The following ACTR10 variants were observed in gnomAD, a reference collection of about 807,000 sequenced individuals.
ACTR10 encodes the protein actin related protein 10.
In ACTR10, 43 loss-of-function variants were observed where a neutral mutation model predicts 56.2. The observed-to-expected ratio is 0.77, with a 90% CI of 0.60 to 0.99. The LOEUF is 0.99. Among genes scored for constraint, ACTR10 ranks in the 50% least tolerant of loss-of-function variants. ACTR10 has a pLI of 0.00. For missense variants in ACTR10, 466 were observed against 507.8 expected (o/e 0.92, Z 0.79); for synonymous variants, 170 against 176.3 (o/e 0.96, Z 0.28).
intron 2 of ACTR10, among the ~76,000 whole-genome samples, chr14:58,203,297 C>T (rs1202282289): frequency 4.3e-5 from 4 of 92,034 alleles, no homozygotes; most frequent in South Asian, 8.0e-4. Flanking sequence ...AGCAAGACTT[C>T]GTCTCAAAAA....
rs1487087109 is a variant in ACTR10 at position 58,232,326 on chromosome 14, T to C, written c.1072+59T>C. ...ATAGTATTTGGTCTCTGAATGACAC[T>C]ATTAATGGATATATTAGAATAAATA... On this transcript the variant is annotated intron_variant, in intron 12 of 12. Coordinates refer to ENST00000254286, the MANE Select transcript of ACTR10 (RefSeq NM_018477.3). 4.1e-6 allele frequency: 5 copies of C among 1,228,970 alleles called. No individual in the cohort carries two copies. In the East Asian group the frequency reaches 1.3e-4, roughly 31 times the overall value. 76.1% of individuals were successfully genotyped at this position (1,228,970 alleles called of 1,614,324 possible).
At chr14:58,223,949 A>C (rs1889341640) in intron 10 of ACTR10, 93 bp downstream of exon 10, 11 of 947,714 alleles carry the variant, frequency 1.2e-5, no homozygotes, top group Middle Eastern at 2.9e-4. Context: ...CACTATTGCC[A>C]TTTTAACAGT....
At chr14:58,214,367 A>ATAGTAACCATGGCGAGGGGATT (rs1889078525) in intron 6 of ACTR10, among the ~76,000 whole-genome samples, 1 of 151,940 alleles carries the variant, frequency 6.6e-6, no homozygotes, top group African/African-American at 2.4e-5. Flanking sequence ...TTATAGCTGA[A>ATAGTAACCATGGCGAGGGGATT]TAGTATTCCA....
At chr14:58,203,077 G>C in intron 2 of ACTR10, 150 bp downstream of exon 2, 1 of 503,936 alleles carries the variant, frequency 2.0e-6, no homozygotes, top group South Asian at 2.8e-5. Flanking sequence ...TGAGGCGGGT[G>C]GATCACCTGA....
At chr14:58,226,577 G>GT (rs1889406245) in intron 10 of ACTR10, among the ~76,000 whole-genome samples, 1 of 151,636 alleles carries the variant, frequency 6.6e-6, no homozygotes. Context: ...TTTGTGTTTT[G>GT]TTTTTTTGTG....
intron 8 of ACTR10, among the ~76,000 whole-genome samples, chr14:58,221,410 G>A (rs1167421781): frequency 2.0e-5 from 3 of 151,808 alleles, no homozygotes; most frequent in Admixed American, 6.6e-5. Context: ...CCTGGACAAC[G>A]TGATGAACCC....
intron 10 of ACTR10, among the ~76,000 whole-genome samples, chr14:58,225,077 C>T (rs1889366907): frequency 6.6e-6 from 1 of 151,968 alleles, no homozygotes; most frequent in Admixed American, 6.6e-5. Flanking sequence ...ACAAAATTAG[C>T]CATAGATAAT....
intron 4 of ACTR10, among the ~76,000 whole-genome samples, chr14:58,209,977 T>C (rs1888954506): frequency 6.6e-6 from 1 of 152,210 alleles, no homozygotes; most frequent in African/African-American, 2.4e-5. Context: ...GGGAATCAGG[T>C]TGCATAGCCT....
In ACTR10 at chr14:58,235,374, A is replaced by G. The variant is rs1889654053; in HGVS notation, c.*823A>G. 6.6e-6 allele frequency: 1 copy of G among 152,170 alleles called. No homozygotes were observed. The highest frequency in any genetic ancestry group is 1.5e-5 in the Non-Finnish European group (1 of 68,036). 9.4% of individuals were successfully genotyped at this position (152,170 alleles called of 1,614,324 possible). A position where few individuals can be genotyped will look rare whatever the true frequency, so the allele number is the denominator to read the frequency against. ...CTGAGAATGTTTGGTAACATAGTCAAGCATTTGTTAAGCCAAGTGTGGAAA... is the reference window on the plus strand; with the variant it reads ...CTGAGAATGTTTGGTAACATAGTCAGGCATTTGTTAAGCCAAGTGTGGAAA... On this transcript the variant is annotated 3_prime_UTR_variant, in exon 13 of 13. Transcript: ENST00000254286.
At position 58,207,939 on chromosome 14, in the gene ACTR10, G is replaced by T; in HGVS notation, c.154G>T (p.Val52Phe). The change falls in exon 3 of 13, where the codon GTC becomes TTC. Residue 52 changes from valine (V) to phenylalanine (F), a missense_variant. By Grantham distance (50) the Val-to-Phe change is conservative (BLOSUM62 -1). Transcript: ENST00000254286. ...VIKRAGMPKP[V>F]RVVQYNINTE... ...AAATCATTTTAATTTTTTACAGCCT[G>T]TCAGAGTTGTTCAGTATAATATCAA... 1 of 1,452,144 alleles carries T rather than the reference G, an allele frequency of 6.9e-7. No individual in the cohort carries two copies. Among genetic ancestry groups the T allele is most frequent in the East Asian group, 2.7e-5 (1 of 37,242 alleles). 90.0% of individuals were successfully genotyped at this position (1,452,144 alleles called of 1,614,324 possible). A position where few individuals can be genotyped will look rare whatever the true frequency, so the allele number is the denominator to read the frequency against.
At chr14:58,221,849 C>T (rs923411642) in intron 8 of ACTR10, among the ~76,000 whole-genome samples, 6 of 151,964 alleles carry the variant, frequency 3.9e-5, no homozygotes, top group African/African-American at 1.2e-4. Context: ...ACCCCAGAGG[C>T]GGAGGTTGCA....
rs753215827 is a variant in ACTR10, at chr14:58,208,980, CA to C, written c.234-15del. ...GAATAAAAACTTTTACTTTTAAAAC[CA>C]AAACTTTCACTTTTCAGGCATCTAT... On this transcript the variant is annotated intron_variant, in intron 3 of 12. Coordinates refer to ENST00000254286, the MANE Select transcript of ACTR10 (RefSeq NM_018477.3). 4.5e-6 allele frequency: 7 copies of C among 1,567,294 alleles called. No homozygotes were observed. Among genetic ancestry groups the C allele is most frequent in the Admixed American group, 1.8e-5 (1 of 54,376 alleles).
chr14:58,228,681 CTTTTTTTTTTTTTTTTTT>C (rs35498207), intron 10 of ACTR10, among the ~76,000 whole-genome samples: 9,596 of 40,798 alleles, frequency 0.24, 848 homozygotes, highest in African/African-American at 0.35. Context: ...GCAAGACAGA[CTTTTTTTTTTTTTTTTTT>C]TTTTTTTTTT....
intron 1 of ACTR10, among the ~76,000 whole-genome samples, chr14:58,201,809 C>T (rs1327660516): frequency 6.6e-6 from 1 of 151,378 alleles, no homozygotes; most frequent in African/African-American, 2.4e-5. Flanking sequence ...AGTTCAAGAC[C>T]AGCCTGGGCA....
intron 8 of ACTR10, among the ~76,000 whole-genome samples, chr14:58,221,572 C>T (rs1206104607): frequency 1.3e-5 from 2 of 152,030 alleles, no homozygotes; most frequent in African/African-American, 2.4e-5. Context: ...TGCACTCTAG[C>T]TTGGGTGACA....
intron 1 of ACTR10, among the ~76,000 whole-genome samples, chr14:58,200,526 C>G (rs143407878): frequency 6.6e-6 from 1 of 152,208 alleles, no homozygotes; most frequent in Non-Finnish European, 1.5e-5. Context: ...TTGAATTGCC[C>G]TCGTCGCCGC....
chr14:58,214,677 G>A (rs570446105), intron 6 of ACTR10, among the ~76,000 whole-genome samples: 27 of 151,522 alleles, frequency 1.8e-4, no homozygotes, highest in Middle Eastern at 3.4e-3. Context: ...TTTTAGTAGA[G>A]ATAGAGTTTT....
chr14:58,219,503 G>T (rs997236007), intron 7 of ACTR10, 191 bp from the exon 8 acceptor site: 8 of 414,606 alleles, frequency 1.9e-5, no homozygotes, highest in Non-Finnish European at 3.5e-5. Context: ...TCCATGGTTT[G>T]TCTTGGCTTT....
chr14:58,204,545 T>C (rs1285501141), intron 2 of ACTR10, among the ~76,000 whole-genome samples: 1 of 152,184 alleles, frequency 6.6e-6, no homozygotes, highest in Non-Finnish European at 1.5e-5. Context: ...AGTGAGACCC[T>C]GTCTCAAAAA....
Sources: allele counts gnomAD v4.1 joint callset (sites outside exome capture counted in the v4.1 genomes callset), GRCh38; gene constraint gnomAD v4.1.1; transcripts MANE v1.5; gene names NCBI Gene and HGNC (gene_info 2026-07-23, HGNC 2026-07-21).